Variants in PLAA observed in about 807,000 individuals in gnomAD.
PLAA encodes the protein phospholipase A2 activating protein.
In PLAA, 48 loss-of-function variants were observed where a neutral mutation model predicts 84.1. That is an observed-to-expected ratio of 0.57 (90% CI 0.45 to 0.73). The LOEUF (loss-of-function observed/expected upper bound fraction) is 0.73, where lower values mean the gene tolerates loss of function less well. PLAA is among the 30% of genes least tolerant of loss of function. PLAA has a pLI of 0.00. For synonymous variants in PLAA, 392 were observed against 336.6 expected (o/e 1.16, Z -1.80); for missense variants, 903 against 954.7 (o/e 0.95, Z 0.71).
At chr9:26,908,096 C>T in intron 12 of PLAA, 98 bp from the exon 13 acceptor site, 1 of 806,342 alleles carries the variant, frequency 1.2e-6, no homozygotes, top group Non-Finnish European at 2.0e-6. Flanking sequence ...TAGTGTACAC[C>T]ATGGGGAGTT....
intron 2 of PLAA, 138 bp from the exon 3 acceptor site, chr9:26,928,546 G>A: frequency 1.5e-6 from 1 of 681,330 alleles, no homozygotes; most frequent in East Asian, 2.7e-5. Context: ...ATTCAGCAGA[G>A]ACGCATAAGA....
chr9:26,944,419 G>A (rs956818525), intron 1 of PLAA, among the ~76,000 whole-genome samples: 24 of 152,086 alleles, frequency 1.6e-4, no homozygotes, highest in African/African-American at 5.3e-4. Context: ...AACATTAAAG[G>A]TATGGTTGAG....
intron 10 of PLAA, chr9:26,916,348 G>C: frequency 2.0e-6 from 2 of 986,946 alleles, no homozygotes; most frequent in Non-Finnish European, 1.2e-6. Flanking sequence ...GATATCAAAA[G>C]CCATTCTGAA....
chr9:26,934,305 A>G (rs1234980267), intron 2 of PLAA, among the ~76,000 whole-genome samples: 2 of 152,182 alleles, frequency 1.3e-5, no homozygotes, highest in Non-Finnish European at 2.9e-5. Flanking sequence ...TAATATTCAA[A>G]TATATTAAAT....
At chr9:26,937,291 C>T (rs1278218580) in intron 1 of PLAA, among the ~76,000 whole-genome samples, 1 of 152,118 alleles carries the variant, frequency 6.6e-6, no homozygotes, top group Non-Finnish European at 1.5e-5. Context: ...GGGAAAAGCA[C>T]AGGCTCAGAA....
chr9:26,947,173 G>A lies in PLAA; in HGVS notation c.-128C>T. ...TAAGGGGCGGCCGGAGACCGGAAGA[G>A]CCCGAGAGCCGGTACGGAAGGGCGG... On this transcript the variant is annotated 5_prime_UTR_variant, in exon 1 of 14. Coordinates refer to ENST00000397292, the MANE Select transcript of PLAA (RefSeq NM_001031689.3). The A allele has an allele frequency of 4.4e-6, 5 of 1,135,640 alleles. No homozygotes were observed. Among genetic ancestry groups the A allele is most frequent in the Non-Finnish European group, 4.7e-6 (4 of 846,952 alleles). The allele number at this position is 1,135,640 out of a possible 1,614,324, so 70.3% of individuals were successfully genotyped here.
chr9:26,903,726 T>A lies in PLAA; in HGVS notation c.*1785A>T, dbSNP rs1340653576. The stretch of plus-strand genomic sequence containing the variant: ...GATTGTTTCCTTTTGCTAAGCTATA[T>A]TTTGTAATCTCCACAACAAACATGA... On this transcript the variant is annotated 3_prime_UTR_variant, in exon 14 of 14. Coordinates refer to ENST00000397292, the MANE Select transcript of PLAA (RefSeq NM_001031689.3). Among the ~76,000 whole-genome samples the A allele has an allele frequency of 2.0e-5, 3 of 151,980 alleles. No homozygotes were observed. Among genetic ancestry groups the A allele is most frequent in the Admixed American group, 1.3e-4 (2 of 15,260 alleles).
chr9:26,941,169 A>AAAAAAAAAAAAC (rs1563921251), intron 1 of PLAA, among the ~76,000 whole-genome samples: 4 of 144,776 alleles, frequency 2.8e-5, no homozygotes, highest in African/African-American at 7.8e-5. Flanking sequence ...AAAAAAAAAC[A>AAAAAAAAAAAAC]AAAACAAAAC....
At chr9:26,906,534 TCTC>T (rs1824243567) in intron 13 of PLAA, among the ~76,000 whole-genome samples, 1 of 151,204 alleles carries the variant, frequency 6.6e-6, no homozygotes, top group Admixed American at 6.6e-5. Context: ...TTCAAGCAAT[TCTC>T]CTGTCTCAGC....
At chr9:26,919,661 A>C in intron 8 of PLAA, 132 bp from the exon 9 acceptor site, 1 of 592,896 alleles carries the variant, frequency 1.7e-6, no homozygotes, top group Non-Finnish European at 2.9e-6. Context: ...GCAGTGCTAA[A>C]ATCTTCGTTT....
At chr9:26,913,538 G>A (rs181209672) in intron 11 of PLAA, among the ~76,000 whole-genome samples, 8 of 152,240 alleles carry the variant, frequency 5.3e-5, no homozygotes, top group Admixed American at 3.3e-4. Context: ...GCAGATTTAC[G>A]ACAGTAAAAC....
At position 26,920,238 on chromosome 9, in the gene PLAA, A is replaced by G; in HGVS notation, c.1186T>C (p.Tyr396His). The G allele has an allele frequency of 6.2e-7, 1 of 1,613,776 alleles. No individual in the cohort carries two copies. The highest frequency in any genetic ancestry group is 8.5e-7 in the Non-Finnish European group (1 of 1,179,758). The change falls in exon 8 of 14, where the codon TAT becomes CAT. Residue 396 changes from tyrosine to histidine, a missense_variant. Tyr to His is a moderately conservative substitution (Grantham distance 83). Transcript: ENST00000397292. ...AGAAGTCGACATACTTTCCCTTCAT[A>G]TAAAACTTTTCCAGATGTTTGCTGA... Reference protein sequence around the residue: ...ANQQTSGKVLYEGKEFDYVFS... With the variant: ...ANQQTSGKVLHEGKEFDYVFS...
In PLAA at chr9:26,905,944, T is replaced by C; in HGVS notation, c.1955A>G (p.Lys652Arg). The C allele has an allele frequency of 6.2e-7, 1 of 1,614,198 alleles. No homozygotes were observed. The highest frequency in any genetic ancestry group is 8.5e-7 in the Non-Finnish European group (1 of 1,180,024). The change falls in exon 14 of 14, where the codon AAG becomes AGG. Residue 652 changes from lysine to arginine, a missense_variant. By Grantham distance (26) the Lys-to-Arg change is conservative. Coordinates refer to ENST00000397292, the MANE Select transcript of PLAA (RefSeq NM_001031689.3). The part of the protein sequence containing the change: ...HLINLLNPKG[K>R]PANQLLALRT... ...GAGAGCAAGCAGCTGGTTTGCTGGC[T>C]TTCCTTTAGGGTTCAGAAGATTGAT...
chr9:26,924,776 C>A (rs1375104393), intron 6 of PLAA, among the ~76,000 whole-genome samples: 1 of 152,136 alleles, frequency 6.6e-6, no homozygotes, highest in East Asian at 1.9e-4. Context: ...AAACTTAGTT[C>A]TTAGTCTTCT....
At chr9:26,913,289 T>G (rs533379818) in intron 11 of PLAA, among the ~76,000 whole-genome samples, 1 of 152,134 alleles carries the variant, frequency 6.6e-6, no homozygotes, top group East Asian at 1.9e-4. Context: ...GAGGAAAACA[T>G]GCCAGCACAT....
At chr9:26,918,740 G>A (rs1824656894) in intron 9 of PLAA, among the ~76,000 whole-genome samples, 1 of 152,150 alleles carries the variant, frequency 6.6e-6, no homozygotes. Context: ...CAGAACTCAC[G>A]TTAATATTAC....
At chr9:26,935,306 C>CTA in intron 1 of PLAA, 100 bp from the exon 2 acceptor site, 1 of 673,456 alleles carries the variant, frequency 1.5e-6, no homozygotes, top group Non-Finnish European at 2.4e-6. Context: ...TCTAGACAAA[C>CTA]TTTAGAGTAT....
chr9:26,946,954 G>C lies in PLAA; in HGVS notation c.92C>G (p.Pro31Arg). Residue 31 changes from proline (P) to arginine (R), a missense_variant, in exon 1 of 14, where the codon CCG (proline) becomes CGG (arginine). Coordinates refer to ENST00000397292, the MANE Select transcript of PLAA (RefSeq NM_001031689.3). ...VRGLVCCAYP[P>R]GAFVSVSRDR... The stretch of plus-strand genomic sequence containing the variant: ...TCGGGACACGGACACAAAGGCTCCC[G>C]GCGGATAGGCGCAGCACACCAGGCC... The C allele has an allele frequency of 6.3e-7, 1 of 1,588,564 alleles. No individual in the cohort carries two copies. The highest frequency in any genetic ancestry group is 2.3e-5 in the East Asian group (1 of 43,438).
chr9:26,940,469 T>C (rs774327307), intron 1 of PLAA, among the ~76,000 whole-genome samples: 1 of 152,190 alleles, frequency 6.6e-6, no homozygotes, highest in African/African-American at 2.4e-5. Context: ...AGACATAAAG[T>C]AGAATCGTGG....
Sources: allele counts gnomAD v4.1 joint callset (sites outside exome capture counted in the v4.1 genomes callset), GRCh38; gene constraint gnomAD v4.1.1; transcripts MANE v1.5; gene names NCBI Gene and HGNC (gene_info 2026-07-23, HGNC 2026-07-21).